The following HTR1F variants were observed in gnomAD, a reference collection of about 807,000 sequenced individuals.
HTR1F encodes the protein 5-hydroxytryptamine (serotonin) receptor 1F, G protein-coupled.
Under a neutral mutation model 24.0 loss-of-function variants are expected in HTR1F, and 17 were observed. The ratio of observed to expected loss-of-function variants is 0.71; its 90% CI spans 0.48 to 1.06. HTR1F has a LOEUF of 1.06. Among genes scored for constraint, HTR1F ranks in the 50% least tolerant of loss-of-function variants. HTR1F has a pLI of 0.00. For missense variants in HTR1F, 391 were observed against 427.8 expected (o/e 0.91, Z 0.76); for synonymous variants, 186 against 156.8 (o/e 1.19, Z -1.39).
chr3:87,908,465 A>C (rs1703710919), intron 2 of HTR1F, among the ~76,000 whole-genome samples: 1 of 151,986 alleles, frequency 6.6e-6, no homozygotes, highest in African/African-American at 2.4e-5. Context: ...ATGTTTCCCA[A>C]CTGGGATAAA....
intron 2 of HTR1F, among the ~76,000 whole-genome samples, chr3:87,969,283 GC>G (rs1705236394): frequency 1.3e-5 from 2 of 152,224 alleles, no homozygotes; most frequent in South Asian, 4.1e-4. Context: ...GACAGCTTGC[GC>G]CTGTGTGCCA....
At chr3:87,842,317 C>T (rs1233751632) in intron 2 of HTR1F, among the ~76,000 whole-genome samples, 2 of 151,606 alleles carry the variant, frequency 1.3e-5, no homozygotes, top group African/African-American at 2.4e-5. Context: ...CCCACCACCA[C>T]GCCCGGCTAA....
intron 2 of HTR1F, among the ~76,000 whole-genome samples, chr3:87,832,479 C>T (rs576119087): frequency 2.6e-5 from 4 of 152,128 alleles, no homozygotes; most frequent in East Asian, 1.9e-4. Context: ...AGGCGCACGC[C>T]GCCACACCCG....
rs111262046 is a variant in HTR1F, at chr3:87,959,391, G to A, written c.-42-31317G>A. Reference sequence around the variant, plus strand: ...TACATGTATTCATTGCCAAAGTCTGGCAATTGAGAGCGCTTTGTTTTCAAC... The same window carrying A: ...TACATGTATTCATTGCCAAAGTCTGACAATTGAGAGCGCTTTGTTTTCAAC... On this transcript the variant is annotated intron_variant, in intron 2 of 2. Transcript: ENST00000319595. 3.8e-3 allele frequency among the ~76,000 whole-genome samples: 584 copies of A among 151,856 alleles called. 6 individuals carry two copies. Among genetic ancestry groups the A allele is most frequent in the African/African-American group, 0.013 (548 of 41,490 alleles).
intron 2 of HTR1F, among the ~76,000 whole-genome samples, chr3:87,880,849 A>G (rs1434501699): frequency 6.6e-6 from 1 of 152,142 alleles, no homozygotes; most frequent in East Asian, 1.9e-4. Flanking sequence ...AACAGTTGTA[A>G]ACTGTAATTG....
intron 2 of HTR1F, among the ~76,000 whole-genome samples, chr3:87,955,075 A>G (rs2107468875): frequency 6.6e-6 from 1 of 151,522 alleles, no homozygotes; most frequent in South Asian, 2.1e-4. Context: ...TAATTTGCAT[A>G]AGATAAATTA....
intron 2 of HTR1F, among the ~76,000 whole-genome samples, chr3:87,835,329 G>A (rs571211573): frequency 6.7e-6 from 1 of 148,476 alleles, no homozygotes; most frequent in East Asian, 2.0e-4. Context: ...TAAATATGGA[G>A]ATGGCATATA....
intron 2 of HTR1F, among the ~76,000 whole-genome samples, chr3:87,941,760 C>G (rs1434357052): frequency 6.6e-6 from 1 of 152,152 alleles, no homozygotes; most frequent in Non-Finnish European, 1.5e-5. Flanking sequence ...ATAAACCACT[C>G]TGCTTCCTCT....
rs555317536 is a variant in HTR1F at position 87,933,360 on chromosome 3, T to C, written c.-42-57348T>C. 3.1e-3 allele frequency among the ~76,000 whole-genome samples: 471 copies of C among 151,418 alleles called. 1 individual carries two copies. Among genetic ancestry groups the C allele is most frequent in the African/African-American group, 0.011 (442 of 41,226 alleles). On this transcript the variant is annotated intron_variant, in intron 2 of 2. Transcript: ENST00000319595. ...TGTTGGAAGTTCTGGCCAGGGCAATTAGGCAGGAGAAGGAAATAAAGGGTA... is the reference window on the plus strand; with the variant it reads ...TGTTGGAAGTTCTGGCCAGGGCAATCAGGCAGGAGAAGGAAATAAAGGGTA...
At chr3:87,816,631 G>T (rs1329325028) in intron 1 of HTR1F, among the ~76,000 whole-genome samples, 2 of 151,930 alleles carry the variant, frequency 1.3e-5, no homozygotes, top group African/African-American at 4.8e-5. Flanking sequence ...GGATTTTACA[G>T]CTCTTATTTG....
intron 2 of HTR1F, among the ~76,000 whole-genome samples, chr3:87,909,426 G>A (rs571903615): frequency 2.2e-4 from 34 of 151,972 alleles, no homozygotes; most frequent in African/African-American, 6.5e-4. Context: ...AACTCGTTAC[G>A]TGCTCACGAT....
Position 87,991,999 on chromosome 3 carries a change from T to C in HTR1F, c.*149T>C. On this transcript the variant is annotated 3_prime_UTR_variant, in exon 3 of 3. Coordinates refer to ENST00000319595, the MANE Select transcript of HTR1F (RefSeq NM_001322209.2). Reference sequence around the variant, plus strand: ...GCTATAATTTATATTTTAATAGCAATGTGAATATAAAAGTTATTGATCACC... The same window carrying C: ...GCTATAATTTATATTTTAATAGCAACGTGAATATAAAAGTTATTGATCACC... The C allele has an allele frequency of 1.7e-6, 1 of 601,224 alleles. No individual in the cohort carries two copies. Among genetic ancestry groups the C allele is most frequent in the Non-Finnish European group, 2.8e-6 (1 of 362,070 alleles). 37.2% of individuals were successfully genotyped at this position (601,224 alleles called of 1,614,324 possible).
At chr3:87,884,181 G>C (rs55641983) in intron 2 of HTR1F, among the ~76,000 whole-genome samples, 4 of 152,162 alleles carry the variant, frequency 2.6e-5, no homozygotes, top group African/African-American at 9.6e-5. Flanking sequence ...GGGAGTGGGG[G>C]CCAATACTCA....
intron 2 of HTR1F, among the ~76,000 whole-genome samples, chr3:87,888,507 A>G (rs1247165912): frequency 6.6e-6 from 1 of 152,178 alleles, no homozygotes; most frequent in Non-Finnish European, 1.5e-5. Context: ...TGAAATTACT[A>G]AATACATTGA....
chr3:87,991,104 T>C lies in HTR1F; in HGVS notation c.355T>C (p.Leu119=), dbSNP rs756543964. The C allele has an allele frequency of 6.2e-7, 1 of 1,613,994 alleles. No homozygotes were observed. The change falls in exon 3 of 3, where the codon TTG becomes CTG. Residue 119 remains leucine, a synonymous_variant. Coordinates refer to ENST00000319595, the MANE Select transcript of HTR1F (RefSeq NM_001322209.2). The part of the protein sequence containing the change: ...CSILHLSAIA[L]DRYRAITDAV... ...CATCTTGCATCTCTCAGCTATAGCT[T>C]TGGATCGGTATCGAGCAATCACAGA...
intron 2 of HTR1F, among the ~76,000 whole-genome samples, chr3:87,944,840 T>A (rs1185561454): frequency 3.9e-5 from 6 of 152,308 alleles, no homozygotes; most frequent in Admixed American, 2.0e-4. Context: ...GTTACGGGGT[T>A]AAAGATTTTA....
At chr3:87,982,954 TC>T (rs1705583485) in intron 2 of HTR1F, among the ~76,000 whole-genome samples, 1 of 107,878 alleles carries the variant, frequency 9.3e-6, no homozygotes, top group Admixed American at 1.0e-4. Flanking sequence ...ATACATGAGA[TC>T]ATGGACTTCA....
At position 87,916,309 on chromosome 3, in the gene HTR1F, G is replaced by GAAA. The variant is rs34801984; in HGVS notation, c.-42-74382_-42-74380dup. On this transcript the variant is annotated intron_variant, in intron 2 of 2. Coordinates refer to ENST00000319595, the MANE Select transcript of HTR1F (RefSeq NM_001322209.2). ...AAAAATACAGTTAAAAAGCAAAAAAGAAAAAAAAAAAAAAAAAAACAAGGT... is the reference window on the plus strand; with the variant it reads ...AAAAATACAGTTAAAAAGCAAAAAAGAAAAAAAAAAAAAAAAAAAAAACAAGGT... Among the ~76,000 whole-genome samples the GAAA allele has an allele frequency of 8.3e-3, 917 of 110,992 alleles. 10 individuals carry two copies. The highest frequency in any genetic ancestry group is 0.012 in the Admixed American group (127 of 10,206). The allele number at this position is 110,992 out of a possible 152,430, so 72.8% of individuals were successfully genotyped here.
chr3:87,880,497 GT>G (rs1262350180), intron 2 of HTR1F, among the ~76,000 whole-genome samples: 1 of 152,052 alleles, frequency 6.6e-6, no homozygotes. Context: ...ATAAAGGATT[GT>G]TTTTAGAAAT....
Sources: gnomAD v4.1 joint callset for allele counts (sites outside exome capture counted in the v4.1 genomes callset) on GRCh38, gnomAD v4.1.1 for gene constraint, MANE v1.5 for transcripts, NCBI Gene and HGNC (gene_info 2026-07-23, HGNC 2026-07-21) for gene names.